The following CTDP1 variants were observed in gnomAD, a reference collection of about 807,000 sequenced individuals.
CTDP1 encodes the protein RNA polymerase II subunit A C-terminal domain phosphatase.
Under a neutral mutation model 91.8 loss-of-function variants are expected in CTDP1, and 47 were observed. That is an observed-to-expected ratio of 0.51 (90% confidence interval 0.41 to 0.65). The LOEUF is 0.65. CTDP1 is among the 30% of genes least tolerant of loss of function. CTDP1 has a pLI of 0.00. For synonymous variants in CTDP1, 656 were observed against 598.5 expected (o/e 1.10, Z -1.40); for missense variants, 1,272 against 1,373.7 (o/e 0.93, Z 1.17).
In CTDP1 at chr18:79,713,160, T is replaced by G; in HGVS notation, c.1030+22T>G. 6.2e-7 allele frequency: 1 copy of G among 1,611,040 alleles called. No individual in the cohort carries two copies. On this transcript the variant is annotated intron_variant, in intron 7 of 12. Transcript: ENST00000613122. The surrounding 1 kb of genome is among the most constrained non-coding windows in gnomAD (Gnocchi z 4.7). ...AAAGGTGGGTAACCTCCTTCCTGAT[T>G]CTCTAGAAGAATTCACATTTGCTTA...
At chr18:79,718,519 C>T (rs1022660516) in intron 10 of CTDP1, among the ~76,000 whole-genome samples, 3 of 152,142 alleles carry the variant, frequency 2.0e-5, no homozygotes, top group African/African-American at 7.2e-5. Context: ...CTTGATTGGA[C>T]TGGAAGGCGT....
Position 79,704,128 on chromosome 18 carries a change from C to T in CTDP1, c.622-639C>T, listed in dbSNP as rs1216911205. Among the ~76,000 whole-genome samples, 3 of 152,184 alleles carry T rather than the reference C, an allele frequency of 2.0e-5. No homozygotes were observed. The East Asian group carries it at 5.8e-4, about 29-fold the overall frequency. On this transcript the variant is annotated intron_variant, in intron 4 of 12. Transcript: ENST00000613122. The stretch of plus-strand genomic sequence containing the variant: ...TATTCACACTCACTGAGGGCATTCC[C>T]GCAGCAGAGAAGGCCGCACTCACTC...
chr18:79,689,956 A>C (rs1021736140), intron 1 of CTDP1, among the ~76,000 whole-genome samples: 5 of 152,144 alleles, frequency 3.3e-5, no homozygotes, highest in Non-Finnish European at 5.9e-5. Context: ...CCTTGTCTGC[A>C]TAACGGATTC....
intron 11 of CTDP1, among the ~76,000 whole-genome samples, chr18:79,730,100 G>A (rs948598829): frequency 6.6e-6 from 1 of 152,198 alleles, no homozygotes; most frequent in Non-Finnish European, 1.5e-5. Flanking sequence ...ACCTTTAGAC[G>A]CCAGTTTATC....
At chr18:79,744,622 G>A (rs1044390765) in intron 12 of CTDP1, among the ~76,000 whole-genome samples, 1 of 152,232 alleles carries the variant, frequency 6.6e-6, no homozygotes, top group African/African-American at 2.4e-5. Flanking sequence ...AAAGAAGGAC[G>A]CTTTATAATG....
chr18:79,703,280 C>G (rs1020983643), intron 4 of CTDP1, among the ~76,000 whole-genome samples: 1 of 152,140 alleles, frequency 6.6e-6, no homozygotes, highest in African/African-American at 2.4e-5. Flanking sequence ...TCATGAGGGT[C>G]GTAACTAACT....
chr18:79,687,638 C>G (rs993245895), intron 1 of CTDP1, among the ~76,000 whole-genome samples: 3 of 149,216 alleles, frequency 2.0e-5, no homozygotes, highest in African/African-American at 2.5e-5. Flanking sequence ...GCCTGCACCG[C>G]AGCAGTTGGC....
At chr18:79,723,421 G>A (rs1009893914) in intron 10 of CTDP1, among the ~76,000 whole-genome samples, 5 of 152,196 alleles carry the variant, frequency 3.3e-5, no homozygotes, top group Admixed American at 2.0e-4. Context: ...GTGACAGGAC[G>A]CTTGGCAGTG....
chr18:79,745,303 TGC>T (rs2086861123), intron 12 of CTDP1, among the ~76,000 whole-genome samples: 12 of 124,398 alleles, frequency 9.6e-5, no homozygotes, highest in African/African-American at 3.3e-4. Flanking sequence ...GTCCCTCCCG[TGC>T]GCGTTCTGTC....
At chr18:79,722,939 T>G (rs1166783545) in intron 10 of CTDP1, among the ~76,000 whole-genome samples, 2 of 152,110 alleles carry the variant, frequency 1.3e-5, no homozygotes, top group African/African-American at 4.8e-5. Flanking sequence ...GGAGGAACAG[T>G]AGAGTGTTTT....
chr18:79,715,654 C>G, intron 8 of CTDP1, 126 bp downstream of exon 8: 2 of 1,077,476 alleles, frequency 1.9e-6, no homozygotes, highest in South Asian at 1.6e-5. Flanking sequence ...GAATCACCAT[C>G]TTTTAAGAAT....
chr18:79,701,098 A>G (rs529192105), intron 4 of CTDP1, among the ~76,000 whole-genome samples: 30 of 152,210 alleles, frequency 2.0e-4, no homozygotes, highest in Non-Finnish European at 4.3e-4. Flanking sequence ...CTGGTCACCC[A>G]AGAGCTCTGA....
At chr18:79,723,248 C>G (rs571577841) in intron 10 of CTDP1, among the ~76,000 whole-genome samples, 1 of 152,112 alleles carries the variant, frequency 6.6e-6, no homozygotes, top group Non-Finnish European at 1.5e-5. Context: ...TTGCCCGATT[C>G]CCCCATGGCA....
At chr18:79,679,395 G>A (rs1293433890), upstream of CTDP1, 2 of 455,766 alleles carry the variant, frequency 4.4e-6, no homozygotes, top group Middle Eastern at 3.3e-4. Context: ...GCGACTCACA[G>A]TGCGCGATGG....
At chr18:79,748,661 G>A (rs925656329) in intron 12 of CTDP1, among the ~76,000 whole-genome samples, 8 of 152,228 alleles carry the variant, frequency 5.3e-5, no homozygotes, top group African/African-American at 9.6e-5. Context: ...AGACCACAGC[G>A]TCCCCAGCTG....
intron 11 of CTDP1, among the ~76,000 whole-genome samples, chr18:79,734,401 G>A (rs927442787): frequency 8.5e-5 from 13 of 152,276 alleles, no homozygotes; most frequent in African/African-American, 3.1e-4. Context: ...AAGAGGGAGA[G>A]GAGATCGGAG....
intron 1 of CTDP1, chr18:79,685,681 C>T (rs1223978751): frequency 6.6e-6 from 1 of 152,162 alleles, no homozygotes; most frequent in Non-Finnish European, 1.5e-5. Context: ...TAGGCTGCAA[C>T]CTAAGATTAG....
intron 3 of CTDP1, 94 bp downstream of exon 3, chr18:79,696,164 T>A (rs2085741859): frequency 7.4e-6 from 8 of 1,083,720 alleles, no homozygotes; most frequent in Non-Finnish European, 1.1e-5. Flanking sequence ...CACGGACGTG[T>A]GGTTGTCATC....
intron 12 of CTDP1, among the ~76,000 whole-genome samples, chr18:79,743,247 C>T (rs904288921): frequency 5.9e-5 from 9 of 151,436 alleles, no homozygotes; most frequent in Non-Finnish European, 1.3e-4. Flanking sequence ...GAAGCAAGGC[C>T]GAGCACGGTG....
Sources: allele counts gnomAD v4.1 joint callset (sites outside exome capture counted in the v4.1 genomes callset), GRCh38; gene constraint gnomAD v4.1.1; non-coding constraint Gnocchi (gnomAD v3.1); transcripts MANE v1.5; gene names NCBI Gene and HGNC (gene_info 2026-07-23, HGNC 2026-07-21).